WLS: variants seen among roughly 807,000 people sequenced by gnomAD.
The protein encoded by WLS is protein wntless homolog.
Under a neutral mutation model 62.8 loss-of-function variants are expected in WLS, and 23 were observed. The ratio of observed to expected loss-of-function variants is 0.37; its 90% CI spans 0.26 to 0.52. The LOEUF is 0.52. Among genes scored for constraint, WLS ranks in the 20% least tolerant of loss-of-function variants. The pLI is 0.92. For missense variants in WLS, 615 were observed against 697.3 expected, an observed-to-expected ratio of 0.88 and a Z score of 1.33; for synonymous variants, 246 against 244.1, an observed-to-expected ratio of 1.01 and a Z score of -0.07.
intron 9 of WLS, among the ~76,000 whole-genome samples, chr1:68,144,865 A>C (rs915536755): frequency 3.3e-5 from 5 of 152,204 alleles, no homozygotes; most frequent in Non-Finnish European, 5.9e-5. Flanking sequence ...CTTATCACTC[A>C]TAAAGCAGCG....
At chr1:68,148,441 C>T in intron 7 of WLS, 122 bp downstream of exon 7, 1 of 1,064,268 alleles carries the variant, frequency 9.4e-7, no homozygotes, top group Admixed American at 2.1e-5. Context: ...GTGACCACGT[C>T]CAGTGCTTCC....
downstream of WLS, among the ~76,000 whole-genome samples, chr1:68,123,140 G>A (rs888154246): frequency 6.6e-6 from 1 of 152,110 alleles, no homozygotes; most frequent in Admixed American, 6.5e-5. Context: ...TCTTCTCGGA[G>A]CAACCATTTT....
intron 1 of WLS, among the ~76,000 whole-genome samples, chr1:68,215,704 A>C (rs1175908453): frequency 6.6e-6 from 1 of 152,228 alleles, no homozygotes; most frequent in Non-Finnish European, 1.5e-5. Context: ...AGATTGAGCA[A>C]TTTAATTTTA....
chr1:68,201,664 TTCAG>T (rs1649025735), intron 1 of WLS, among the ~76,000 whole-genome samples: 1 of 152,242 alleles, frequency 6.6e-6, no homozygotes, highest in Middle Eastern at 3.2e-3. Context: ...GCCAGCCACT[TTCAG>T]TCAGTTAGTT....
At chr1:68,128,440 G>C (rs1002374802) in intron 11 of WLS, among the ~76,000 whole-genome samples, 5 of 152,222 alleles carry the variant, frequency 3.3e-5, no homozygotes, top group African/African-American at 1.2e-4. Context: ...CTGCATGTCT[G>C]TGTGAGTCAT....
chr1:68,108,320 C>T (rs1646175125), intron 11 of WLS, among the ~76,000 whole-genome samples: 1 of 152,190 alleles, frequency 6.6e-6, no homozygotes, highest in African/African-American at 2.4e-5. Context: ...TTGGGTAACT[C>T]ATTTCATTTC....
intron 1 of WLS, among the ~76,000 whole-genome samples, chr1:68,218,664 C>T (rs140022097): frequency 3.9e-4 from 59 of 152,300 alleles, no homozygotes; most frequent in Non-Finnish European, 6.0e-4. Flanking sequence ...CGCACCTCTG[C>T]CTGGCTCTAC....
At chr1:68,128,207 G>C (rs577050167) in intron 11 of WLS, among the ~76,000 whole-genome samples, 1 of 152,296 alleles carries the variant, frequency 6.6e-6, no homozygotes, top group African/African-American at 2.4e-5. Flanking sequence ...GCCAAGTAAG[G>C]CTGGTGAGAG....
chr1:68,107,165 CTT>C (rs1646158972), intron 11 of WLS, among the ~76,000 whole-genome samples: 2 of 152,038 alleles, frequency 1.3e-5, no homozygotes, highest in Admixed American at 1.3e-4. Flanking sequence ...TTAGTCAGCT[CTT>C]TTTAATTACT....
intron 2 of WLS, among the ~76,000 whole-genome samples, chr1:68,168,327 T>C (rs1039265465): frequency 2.1e-4 from 32 of 152,226 alleles, no homozygotes; most frequent in African/African-American, 7.5e-4. Flanking sequence ...GCCAGGATAG[T>C]ACAAAGTGTA....
chr1:68,131,663 G>T (rs186150757), intron 11 of WLS, among the ~76,000 whole-genome samples: 1 of 152,034 alleles, frequency 6.6e-6, no homozygotes, highest in Non-Finnish European at 1.5e-5. Flanking sequence ...TAAAATCTTG[G>T]TGTTACAGGC....
chr1:68,225,183 G>T (rs187306187), intron 1 of WLS, among the ~76,000 whole-genome samples: 1 of 151,910 alleles, frequency 6.6e-6, no homozygotes, highest in Non-Finnish European at 1.5e-5. Flanking sequence ...TGTGGGGGGT[G>T]GGGGGAAGAG....
intron 1 of WLS, among the ~76,000 whole-genome samples, chr1:68,196,357 G>C (rs1003916478): frequency 6.6e-6 from 1 of 151,908 alleles, no homozygotes; most frequent in Non-Finnish European, 1.5e-5. Context: ...TTGAAAGTTA[G>C]TAGTTAAAAG....
chr1:68,193,033 C>T (rs550279795), intron 2 of WLS, among the ~76,000 whole-genome samples: 188 of 150,684 alleles, frequency 1.2e-3, no homozygotes, highest in East Asian at 7.6e-3. Context: ...CACTTGAACG[C>T]GGGAGGCGGA....
chr1:68,123,220 C>T (rs1646384986), downstream of WLS, among the ~76,000 whole-genome samples: 1 of 152,178 alleles, frequency 6.6e-6, no homozygotes, highest in South Asian at 2.1e-4. Flanking sequence ...CTGCCCTTGC[C>T]ACTTAAGAAG....
chr1:68,123,137 G>T (rs75748815), downstream of WLS, among the ~76,000 whole-genome samples: 3 of 151,924 alleles, frequency 2.0e-5, no homozygotes, highest in African/African-American at 7.3e-5. Context: ...GGCTCTTCTC[G>T]GAGCAACCAT....
chr1:68,181,002 T>C (rs757526718), intron 2 of WLS, among the ~76,000 whole-genome samples: 2 of 152,130 alleles, frequency 1.3e-5, no homozygotes, highest in Non-Finnish European at 2.9e-5. Context: ...ATAGGTAGGG[T>C]TGGGGAAAAT....
intron 11 of WLS, among the ~76,000 whole-genome samples, chr1:68,130,758 C>T (rs555137220): frequency 1.8e-4 from 27 of 152,164 alleles, no homozygotes; most frequent in African/African-American, 5.8e-4. Context: ...CATCTGTAAT[C>T]CCAGCACTTT....
chr1:68,146,067 G>C, intron 8 of WLS, 55 bp from the exon 9 acceptor site: 1 of 1,590,220 alleles, frequency 6.3e-7, no homozygotes. Flanking sequence ...GTTGAGCCGG[G>C]TCCAGGCCCT....
Sources: gnomAD v4.1 joint callset for allele counts (sites outside exome capture counted in the v4.1 genomes callset) on GRCh38, gnomAD v4.1.1 for gene constraint, MANE v1.5 for transcripts, NCBI Gene and HGNC (gene_info 2026-07-23, HGNC 2026-07-21) for gene names.